The following ANP32A variants were observed in gnomAD, a reference collection of about 807,000 sequenced individuals.
The protein encoded by ANP32A is acidic leucine-rich nuclear phosphoprotein 32 family member A.
Under a neutral mutation model 33.9 loss-of-function variants are expected in ANP32A, and 1 was observed. The observed-to-expected ratio is 0.03, with a 90% CI of 0.01 to 0.14. The LOEUF is 0.14. Ranked by LOEUF, ANP32A falls within the 10% of genes least tolerant of loss-of-function variation. The probability of loss-of-function intolerance (pLI) is 1.00; values close to 1 mark genes in which losing one functional copy is unlikely to be tolerated. For synonymous variants in ANP32A, 115 were observed against 120.5 expected, an observed-to-expected ratio of 0.95 and a Z score of 0.30; for missense variants, 155 against 306.0, an observed-to-expected ratio of 0.51 and a Z score of 3.68.
rs1893841115 is a variant in ANP32A at position 68,779,804 on chromosome 15, T to C, written c.*277A>G. On this transcript the variant is annotated 3_prime_UTR_variant, in exon 7 of 7. Coordinates refer to ENST00000465139, the MANE Select transcript of ANP32A (RefSeq NM_006305.4). ...CAGGAACAAATGCTCACTTAGTGTG[T>C]ACTTAGCTATCGCATTTACAGGGAC... 2.2e-6 allele frequency: 1 copy of C among 448,352 alleles called. No individual in the cohort carries two copies. Among genetic ancestry groups the C allele is most frequent in the Admixed American group, 3.8e-5 (1 of 26,494 alleles). 27.8% of individuals were successfully genotyped at this position (448,352 alleles called of 1,614,324 possible).
chr15:68,808,448 C>G (rs1385587916), intron 1 of ANP32A, among the ~76,000 whole-genome samples: 2 of 152,242 alleles, frequency 1.3e-5, no homozygotes, highest in African/African-American at 4.8e-5. Context: ...CCACTCTCTT[C>G]TCTCCTACCC....
chr15:68,811,223 A>G (rs1003982424), intron 1 of ANP32A, among the ~76,000 whole-genome samples: 13 of 152,124 alleles, frequency 8.5e-5, no homozygotes, highest in African/African-American at 2.9e-4. Context: ...GACAATTCAG[A>G]AAGTTTAGGG....
intron 1 of ANP32A, among the ~76,000 whole-genome samples, chr15:68,797,180 C>T (rs1472090146): frequency 6.6e-6 from 1 of 152,144 alleles, no homozygotes; most frequent in African/African-American, 2.4e-5. Flanking sequence ...CCAGAGGCCC[C>T]GGGTGCTGGG....
In ANP32A at chr15:68,820,779, C is replaced by T. The variant is rs1894464636; in HGVS notation, c.-28G>A. On this transcript the variant is annotated 5_prime_UTR_variant, in exon 1 of 7. Coordinates refer to ENST00000465139, the MANE Select transcript of ANP32A (RefSeq NM_006305.4). ...CTCGCGCTCTCTCTCTGCAGAGGCT[C>T]CCGCGCCGGCGGAATTCAATCAATA... 9 of 1,613,944 alleles carry T rather than the reference C, an allele frequency of 5.6e-6. No homozygotes were observed. In the Middle Eastern group the frequency reaches 8.3e-4, roughly 148 times the overall value.
In ANP32A at chr15:68,820,873, C is replaced by T; in HGVS notation, c.-122G>A. ...AACCAGCTCCGCTCGGTTCTCGAGC[C>T]CCCAGCACCCGCGGCGCACACTAAC... On this transcript the variant is annotated 5_prime_UTR_variant, in exon 1 of 7. Transcript: ENST00000465139. The T allele has an allele frequency of 2.5e-6, 3 of 1,179,570 alleles. No homozygotes were observed. Among genetic ancestry groups the T allele is most frequent in the East Asian group, 2.5e-5 (1 of 39,848 alleles). 73.1% of individuals were successfully genotyped at this position (1,179,570 alleles called of 1,614,324 possible).
Position 68,788,063 on chromosome 15 carries a change from C to A in ANP32A, c.55-144G>T, listed in dbSNP as rs540934331. 12 of 1,080,286 alleles carry A rather than the reference C, an allele frequency of 1.1e-5. No individual in the cohort carries two copies. In the African/African-American group the frequency reaches 1.3e-4, roughly 11 times the overall value. The allele number at this position is 1,080,286 out of a possible 1,614,324, so 66.9% of individuals were successfully genotyped here. A position where few individuals can be genotyped will look rare whatever the true frequency, so the allele number is the denominator to read the frequency against. The stretch of plus-strand genomic sequence containing the variant: ...TCACTTCTTCTAGCTTTCCGGATCA[C>A]TGTGCTGCCAACGACCACAGGATGG... On this transcript the variant is annotated intron_variant, in intron 1 of 6. Coordinates refer to ENST00000465139, the MANE Select transcript of ANP32A (RefSeq NM_006305.4).
At position 68,786,252 on chromosome 15, in the gene ANP32A, CTTTTTTTTTTTTT is replaced by C. The variant is rs558065991; in HGVS notation, c.327+1148_327+1160del. ...GATGCCTGAGGTGCTGCTGCTGCTG[CTTTTTTTTTTTTT>C]TTTTTTTTTTTGGAGACAGAGTCTC... On this transcript the variant is annotated intron_variant, in intron 3 of 6. Coordinates refer to ENST00000465139, the MANE Select transcript of ANP32A (RefSeq NM_006305.4). Among the ~76,000 whole-genome samples, 46 of 90,130 alleles carry C rather than the reference CTTTTTTTTTTTTT, an allele frequency of 5.1e-4. 1 individual carries two copies. The highest frequency in any genetic ancestry group is 2.0e-3 in the African/African-American group (45 of 22,014). 59.1% of individuals were successfully genotyped at this position (90,130 alleles called of 152,430 possible).
At chr15:68,802,449 A>G (rs1173018096) in intron 1 of ANP32A, among the ~76,000 whole-genome samples, 2 of 152,182 alleles carry the variant, frequency 1.3e-5, no homozygotes, top group African/African-American at 4.8e-5. Context: ...CTTTGCAACT[A>G]CATAGTGTGT....
intron 1 of ANP32A, among the ~76,000 whole-genome samples, chr15:68,808,761 T>C (rs993606685): frequency 1.3e-5 from 2 of 152,168 alleles, no homozygotes; most frequent in African/African-American, 4.8e-5. Context: ...TATCACCCCC[T>C]GCACACGCAC....
At chr15:68,797,015 G>C (rs567611150) in intron 1 of ANP32A, among the ~76,000 whole-genome samples, 1 of 152,226 alleles carries the variant, frequency 6.6e-6, no homozygotes, top group East Asian at 1.9e-4. Flanking sequence ...CTGGGACATG[G>C]GGCAGTTACC....
chr15:68,801,119 T>C (rs1406415077), intron 1 of ANP32A, among the ~76,000 whole-genome samples: 1 of 149,816 alleles, frequency 6.7e-6, no homozygotes, highest in African/African-American at 2.5e-5. Context: ...TCACAGGCAA[T>C]GCAAGAAGAA....
chr15:68,792,503 C>A (rs1485012306), intron 1 of ANP32A, among the ~76,000 whole-genome samples: 1 of 152,202 alleles, frequency 6.6e-6, no homozygotes, highest in Non-Finnish European at 1.5e-5. Context: ...ACCTGTCAGT[C>A]ATTTTTCACC....
intron 1 of ANP32A, 96 bp from the exon 2 acceptor site, chr15:68,788,015 G>A (rs954190714): frequency 3.5e-6 from 5 of 1,431,206 alleles, no homozygotes; most frequent in Non-Finnish European, 4.9e-6. Context: ...GGAGACAGAC[G>A]CAGGAAGCAG....
chr15:68,781,386 C>T (rs1166102418), intron 5 of ANP32A: 2 of 149,272 alleles, frequency 1.3e-5, no homozygotes, highest in African/African-American at 5.0e-5. Context: ...TCCCCCATCC[C>T]CACCCCCCCA....
At position 68,780,075 on chromosome 15, in the gene ANP32A, T is replaced by G. The variant is rs750715072; in HGVS notation, c.*6A>C. 6.2e-7 allele frequency: 1 copy of G among 1,613,440 alleles called. No homozygotes were observed. Among genetic ancestry groups the G allele is most frequent in the East Asian group, 2.2e-5 (1 of 44,878 alleles). On this transcript the variant is annotated 3_prime_UTR_variant, in exon 7 of 7. Coordinates refer to ENST00000465139, the MANE Select transcript of ANP32A (RefSeq NM_006305.4). This position sits in a 1 kb window ranked among gnomAD's most constrained non-coding sequence, Gnocchi z 4.3. ...AATAGGAATTTTTCAAAATAGGTTA[T>G]TCCACTTAGTCATCATCTTCTCCCT...
chr15:68,793,352 T>C (rs1222601131), intron 1 of ANP32A, among the ~76,000 whole-genome samples: 1 of 152,208 alleles, frequency 6.6e-6, no homozygotes, highest in Non-Finnish European at 1.5e-5. Context: ...GGAGTCTTTC[T>C]TGTGCCCAAG....
chr15:68,803,315 A>G (rs1894163928), intron 1 of ANP32A, among the ~76,000 whole-genome samples: 2 of 152,334 alleles, frequency 1.3e-5, no homozygotes, highest in African/African-American at 4.8e-5. Context: ...AATAAGGGGT[A>G]AGCCTCCTCT....
At position 68,820,844 on chromosome 15, in the gene ANP32A, G is replaced by T; in HGVS notation, c.-93C>A. On this transcript the variant is annotated 5_prime_UTR_variant, in exon 1 of 7. Coordinates refer to ENST00000465139, the MANE Select transcript of ANP32A (RefSeq NM_006305.4). ...GGCCGCGCGTTTTAGGACTTTGAAG[G>T]CTCAACCAGCTCCGCTCGGTTCTCG... is the stretch of plus-strand genomic sequence containing the variant. The T allele has an allele frequency of 6.9e-7, 1 of 1,452,330 alleles. No homozygotes were observed. The highest frequency in any genetic ancestry group is 1.2e-5 in the South Asian group (1 of 86,408). The allele number at this position is 1,452,330 out of a possible 1,614,324, so 90.0% of individuals were successfully genotyped here.
chr15:68,781,948 C>T (rs1027277562), intron 5 of ANP32A, among the ~76,000 whole-genome samples: 3 of 152,124 alleles, frequency 2.0e-5, no homozygotes, highest in African/African-American at 4.8e-5. Context: ...AAGCCTGGGC[C>T]GGCTGGCTGG....
Sources: gnomAD v4.1 joint callset for allele counts (sites outside exome capture counted in the v4.1 genomes callset) on GRCh38, gnomAD v4.1.1 for gene constraint, Gnocchi (gnomAD v3.1) non-coding constraint, MANE v1.5 for transcripts, NCBI Gene and HGNC (gene_info 2026-07-23, HGNC 2026-07-21) for gene names.